Variants in SPATA6L observed in about 807,000 individuals in gnomAD.
SPATA6L encodes spermatogenesis associated 6 like.
Under a neutral mutation model 49.2 loss-of-function variants are expected in SPATA6L, and 68 were observed. The observed-to-expected ratio is 1.38, with a 90% CI of 1.14 to 1.69. The LOEUF is 1.69. Among genes scored for constraint, SPATA6L ranks in the 40% most tolerant of loss-of-function variants. The pLI, the probability that SPATA6L is intolerant of heterozygous loss-of-function variation, is 0.00. For missense variants in SPATA6L, 668 were observed against 464.3 expected (o/e 1.44, Z -4.03); for synonymous variants, 198 against 165.7 (o/e 1.19, Z -1.50).
At chr9:4,606,383 G>A (rs572909062) in intron 9 of SPATA6L, among the ~76,000 whole-genome samples, 2 of 124,718 alleles carry the variant, frequency 1.6e-5, no homozygotes, top group Admixed American at 8.5e-5. Flanking sequence ...AACCTCTGCA[G>A]ACTTAAATGT....
Position 4,636,112 on chromosome 9 carries a change from CT to C in SPATA6L, c.227-714del, listed in dbSNP as rs143583775. ...ACTATGTTGCATGTAAACACAAAGCCTTTTTTTTTTGCATAATTTGGAAATA... is the reference window on the plus strand; with the variant it reads ...ACTATGTTGCATGTAAACACAAAGCCTTTTTTTTTGCATAATTTGGAAATA... On this transcript the variant is annotated intron_variant, in intron 3 of 11. Coordinates refer to ENST00000682582, the MANE Select transcript of SPATA6L (RefSeq NM_001353486.2). Among the ~76,000 whole-genome samples the C allele has an allele frequency of 8.6e-4, 127 of 148,164 alleles. 1 individual carries two copies. The highest frequency in any genetic ancestry group is 1.6e-3 in the East Asian group (8 of 5,108).
chr9:4,659,569 G>A (rs1479678387), intron 2 of SPATA6L, among the ~76,000 whole-genome samples: 2 of 152,146 alleles, frequency 1.3e-5, no homozygotes, highest in East Asian at 3.8e-4. Flanking sequence ...CTCATGGATA[G>A]GAATAATCAA....
At chr9:4,642,755 G>A (rs1834312053) in intron 3 of SPATA6L, among the ~76,000 whole-genome samples, 1 of 151,234 alleles carries the variant, frequency 6.6e-6, no homozygotes, top group African/African-American at 2.5e-5. Context: ...ACAAAACAGG[G>A]AAAATATAAC....
At chr9:4,633,457 C>G (rs1047495700) in intron 4 of SPATA6L, 3 of 155,114 alleles carry the variant, frequency 1.9e-5, no homozygotes, top group African/African-American at 7.2e-5. Context: ...AGAATCTGCA[C>G]TTTTCAATCA....
intron 4 of SPATA6L, among the ~76,000 whole-genome samples, chr9:4,629,769 G>GTGTGTGTGTGTGTGTGTGTATATATA (rs1311805859): frequency 9.8e-6 from 1 of 101,936 alleles, no homozygotes; most frequent in African/African-American, 5.0e-5. Context: ...GTGTGTGTGT[G>GTGTGTGTGTGTGTGTGTGTATATATA]TATATATATA....
chr9:4,608,011 C>G (rs957920427), intron 9 of SPATA6L, among the ~76,000 whole-genome samples: 1 of 151,158 alleles, frequency 6.6e-6, no homozygotes, highest in Non-Finnish European at 1.5e-5. Context: ...TCGGATAAAA[C>G]AGACTTTAAA....
At chr9:4,627,915 G>C in intron 5 of SPATA6L, 1 of 754,416 alleles carries the variant, frequency 1.3e-6, no homozygotes, top group African/African-American at 1.8e-5. Flanking sequence ...ACATAATGGA[G>C]TGCTATTCAG....
At chr9:4,651,190 T>C (rs928434469) in intron 3 of SPATA6L, among the ~76,000 whole-genome samples, 5 of 152,170 alleles carry the variant, frequency 3.3e-5, no homozygotes, top group Middle Eastern at 3.4e-3. Context: ...TGTTGTTGTA[T>C]GGATGGGGGC....
Position 4,636,319 on chromosome 9 carries a change from A to G in SPATA6L, c.227-920T>C, listed in dbSNP as rs1420999644. ...TAAACCACTTTCATTTTTCCTTTAT[A>G]TTACAATCAGAATATTATATTAATT... On this transcript the variant is annotated intron_variant, in intron 3 of 11. Coordinates refer to ENST00000682582, the MANE Select transcript of SPATA6L (RefSeq NM_001353486.2). Among the ~76,000 whole-genome samples, 3 of 152,302 alleles carry G rather than the reference A, an allele frequency of 2.0e-5. No homozygotes were observed. In the East Asian group the frequency reaches 5.8e-4, roughly 29 times the overall value.
chr9:4,663,337 C>A, intron 1 of SPATA6L: 1 of 1,472,412 alleles, frequency 6.8e-7, no homozygotes, highest in East Asian at 2.3e-5. Flanking sequence ...AAACCAGCAG[C>A]CATCCCGCTT....
At chr9:4,624,768 C>T (rs1346989494) in intron 6 of SPATA6L, among the ~76,000 whole-genome samples, 1 of 150,864 alleles carries the variant, frequency 6.6e-6, no homozygotes, top group Non-Finnish European at 1.5e-5. Context: ...ACTAAGAGAA[C>T]TAGTGTGACT....
intron 1 of SPATA6L, chr9:4,663,343 C>A: frequency 7.0e-7 from 1 of 1,432,592 alleles, no homozygotes; most frequent in Non-Finnish European, 9.6e-7. Flanking sequence ...GCAGCCATCC[C>A]GCTTGTCCCT....
chr9:4,664,712 C>T (rs962594634), intron 1 of SPATA6L: 3 of 167,044 alleles, frequency 1.8e-5, no homozygotes, highest in African/African-American at 7.2e-5. Flanking sequence ...TGATTATGGA[C>T]TTTGATCTGC....
chr9:4,649,074 C>T (rs941685377), intron 3 of SPATA6L, among the ~76,000 whole-genome samples: 27 of 117,574 alleles, frequency 2.3e-4, no homozygotes, highest in Non-Finnish European at 4.4e-4. Flanking sequence ...CACACACACA[C>T]ACACACACAC....
intron 6 of SPATA6L, among the ~76,000 whole-genome samples, chr9:4,622,911 G>C (rs1020496340): frequency 1.3e-5 from 2 of 152,166 alleles, no homozygotes; most frequent in African/African-American, 4.8e-5. Context: ...GTGACAGCAA[G>C]GGATTCCCAT....
Position 4,599,608 on chromosome 9 carries a change from T to C in SPATA6L, c.*1203A>G, listed in dbSNP as rs1822746838. On this transcript the variant is annotated 3_prime_UTR_variant, in exon 12 of 12. Coordinates refer to ENST00000682582, the MANE Select transcript of SPATA6L (RefSeq NM_001353486.2). ...GAAGCTGGGAAGTCCAAGATCAGAA[T>C]GTTGGCAGATGCAGAATCTGGTGAG... Among the ~76,000 whole-genome samples, 1 of 152,202 alleles carries C rather than the reference T, an allele frequency of 6.6e-6. No homozygotes were observed. The highest frequency in any genetic ancestry group is 1.5e-5 in the Non-Finnish European group (1 of 68,036).
At chr9:4,660,949 C>A (rs1055873248) in intron 2 of SPATA6L, among the ~76,000 whole-genome samples, 1 of 152,066 alleles carries the variant, frequency 6.6e-6, no homozygotes, top group Non-Finnish European at 1.5e-5. Context: ...CCAAACACCG[C>A]ATGTTCTCAC....
intron 11 of SPATA6L, 105 bp from the exon 12 acceptor site, chr9:4,600,914 C>G (rs1485430713): frequency 6.6e-6 from 1 of 152,206 alleles, no homozygotes; most frequent in East Asian, 1.9e-4. Context: ...CCAATCTTGG[C>G]ATGTAGCTAT....
intron 5 of SPATA6L, chr9:4,625,791 TTAAC>T: frequency 3.1e-6 from 1 of 324,634 alleles, no homozygotes; most frequent in Non-Finnish European, 5.5e-6. Flanking sequence ...ATTCAACTAA[TTAAC>T]AGTGAGATTT....
Sources: allele counts gnomAD v4.1 joint callset (sites outside exome capture counted in the v4.1 genomes callset), GRCh38; gene constraint gnomAD v4.1.1; transcripts MANE v1.5; gene names NCBI Gene and HGNC (gene_info 2026-07-23, HGNC 2026-07-21).